The following XRN1 variants were observed in gnomAD, a reference collection of about 807,000 sequenced individuals.
The protein encoded by XRN1 is strand-exchange protein 1 homolog.
A neutral mutation model predicts 222.3 loss-of-function variants in XRN1; 67 were observed. That is an observed-to-expected ratio of 0.30 (90% CI 0.25 to 0.37). XRN1 has a LOEUF of 0.37. Among genes scored for constraint, XRN1 ranks in the 10% least tolerant of loss-of-function variants. XRN1 has a pLI of 1.00. For missense variants in XRN1, 1,707 were observed against 2,000.2 expected (o/e 0.85, Z 2.80); for synonymous variants, 643 against 652.4 (o/e 0.99, Z 0.22).
chr3:142,345,798 T>G (rs979187181), intron 33 of XRN1, among the ~76,000 whole-genome samples: 8 of 152,238 alleles, frequency 5.3e-5, no homozygotes, highest in African/African-American at 1.7e-4. Context: ...TCAACATTAT[T>G]AGTCATTAAT....
At chr3:142,388,546 T>C (rs990612282) in intron 20 of XRN1, among the ~76,000 whole-genome samples, 1 of 152,208 alleles carries the variant, frequency 6.6e-6, no homozygotes, top group Admixed American at 6.5e-5. Context: ...AGTAGGCTAT[T>C]AGTAGTTAAC....
At chr3:142,402,833 T>C (rs1321282531) in intron 18 of XRN1, among the ~76,000 whole-genome samples, 2 of 152,124 alleles carry the variant, frequency 1.3e-5, no homozygotes, top group East Asian at 3.9e-4. Flanking sequence ...GATATCTCAG[T>C]CACATTTACT....
rs140577323 is a variant in XRN1 at position 142,447,272 on chromosome 3, A to G, written c.75+598T>C. ...TACGCCCCACTCCCCAGCTGGCCCA[A>G]GAGTTTTTTGTTTTGGCAACAGGGG... On this transcript the variant is annotated intron_variant, in intron 1 of 40. Transcript: ENST00000392981. This position sits in a 1 kb window ranked among gnomAD's most constrained non-coding sequence, Gnocchi z 4.2. Among the ~76,000 whole-genome samples, 767 of 152,168 alleles carry G rather than the reference A, an allele frequency of 5.0e-3. 6 individuals carry two copies. The highest frequency in any genetic ancestry group is 0.018 in the African/African-American group (733 of 41,492).
chr3:142,323,300 T>G (rs2065414625), intron 37 of XRN1, among the ~76,000 whole-genome samples: 1 of 151,860 alleles, frequency 6.6e-6, no homozygotes, highest in Admixed American at 6.6e-5. Context: ...TTTTGTTTTT[T>G]TTTTTTAAAT....
rs2065827912 is a variant in XRN1 at position 142,335,525 on chromosome 3, CAG to C, written c.3878-18_3878-17del. 6.2e-7 allele frequency: 1 copy of C among 1,606,448 alleles called. No homozygotes were observed. The highest frequency in any genetic ancestry group is 8.5e-7 in the Non-Finnish European group (1 of 1,175,378). On this transcript the variant is annotated splice_polypyrimidine_tract_variant and intron_variant, in intron 33 of 40. Transcript: ENST00000392981. ...TCTTCTTTAACTAGAGACAAGAAAA[CAG>C]AAATTTTCATAAATGGAAGTGTTTA...
chr3:142,400,627 C>CA (rs2068091889), intron 18 of XRN1, 80 bp from the exon 19 acceptor site: 3 of 1,123,404 alleles, frequency 2.7e-6, no homozygotes, highest in African/African-American at 3.2e-5. Context: ...TTCCAATCTC[C>CA]ATTTAAGTTT....
At chr3:142,407,163 T>C (rs1359592142) in intron 15 of XRN1, among the ~76,000 whole-genome samples, 1 of 152,206 alleles carries the variant, frequency 6.6e-6, no homozygotes, top group Admixed American at 6.5e-5. Context: ...GTCAGTGTCT[T>C]TCTGGGGCAA....
rs1559880641 is a variant in XRN1 at position 142,432,198 on chromosome 3, T to TA, written c.308+462_308+463insT. Among the ~76,000 whole-genome samples the TA allele has an allele frequency of 5.1e-3, 543 of 106,782 alleles. 21 individuals carry two copies. The highest frequency in any genetic ancestry group is 0.017 in the African/African-American group (523 of 31,018). 70.1% of individuals were successfully genotyped at this position (106,782 alleles called of 152,430 possible). A position where few individuals can be genotyped will look rare whatever the true frequency, so the allele number is the denominator to read the frequency against. On this transcript the variant is annotated intron_variant, in intron 2 of 40. Transcript: ENST00000392981. ...AAAATGTTTTATATATAAAATTTATTTTATATATAATTAATTATATATATA... is the reference window on the plus strand; with the variant it reads ...AAAATGTTTTATATATAAAATTTATTATTATATATAATTAATTATATATATA...
At position 142,412,573 on chromosome 3, in the gene XRN1, C is replaced by A. The variant is rs779524277; in HGVS notation, c.1684G>T (p.Ala562Ser). The A allele has an allele frequency of 6.2e-7, 1 of 1,607,792 alleles. No homozygotes were observed. The highest frequency in any genetic ancestry group is 1.1e-5 in the South Asian group (1 of 90,246). Residue 562 changes from alanine to serine, a missense_variant, in exon 15 of 41, where the codon GCT (alanine) becomes TCT (serine). This residue lies in a region of XRN1 where 1,234 missense variants were observed against 1,518.2 expected (regional missense o/e 0.81). Transcript: ENST00000392981. ...DLNGKQQEWE[A>S]VVLIPFIDEK... ...TCAATAAAAGGGATTAACACCACAG[C>A]TTCCCATTCCTGTTGTTTCCCATTT...
intron 27 of XRN1, among the ~76,000 whole-genome samples, chr3:142,369,260 GTC>G (rs1459780326): frequency 6.6e-6 from 1 of 152,132 alleles, no homozygotes; most frequent in Non-Finnish European, 1.5e-5. Flanking sequence ...TACTATAAAA[GTC>G]TACTCCTTAA....
At position 142,334,688 on chromosome 3, in the gene XRN1, A is replaced by C. The variant is rs927124835; in HGVS notation, c.3939+760T>G. On this transcript the variant is annotated intron_variant, in intron 34 of 40. Coordinates refer to ENST00000392981, the MANE Select transcript of XRN1 (RefSeq NM_001282857.2). ...ATATATGTCTATGTGTATATATATA[A>C]GACCATATATATATGTCTATGTGTA... is the stretch of plus-strand genomic sequence containing the variant. 1.0e-4 allele frequency among the ~76,000 whole-genome samples: 6 copies of C among 58,514 alleles called. No individual in the cohort carries two copies. In the East Asian group the frequency reaches 2.9e-3, roughly 28 times the overall value. 38.4% of individuals were successfully genotyped at this position (58,514 alleles called of 152,430 possible).
chr3:142,393,543 T>A (rs1032835811), intron 20 of XRN1, among the ~76,000 whole-genome samples: 1 of 151,448 alleles, frequency 6.6e-6, no homozygotes, highest in African/African-American at 2.4e-5. Flanking sequence ...TTTCTACATA[T>A]GGCTAGCCAG....
intron 33 of XRN1, among the ~76,000 whole-genome samples, chr3:142,346,840 C>G (rs376996297): frequency 1.1e-4 from 17 of 152,248 alleles, no homozygotes; most frequent in Middle Eastern, 3.4e-3. Context: ...CCCACAGGTA[C>G]AGAGGGCCGA....
chr3:142,329,699 G>A, intron 36 of XRN1, 84 bp from the exon 37 acceptor site: 5 of 1,341,484 alleles, frequency 3.7e-6, no homozygotes, highest in Non-Finnish European at 4.9e-6. Context: ...TTATAGAAGA[G>A]CAAGCAGGAA....
At position 142,431,935 on chromosome 3, in the gene XRN1, G is replaced by A. The variant is rs1445129612; in HGVS notation, c.308+726C>T. ...ATAAATATATATAATATAATATATT[G>A]TATATATTATATAATATATTATATA... On this transcript the variant is annotated intron_variant, in intron 2 of 40. Coordinates refer to ENST00000392981, the MANE Select transcript of XRN1 (RefSeq NM_001282857.2). 2.8e-3 allele frequency among the ~76,000 whole-genome samples: 183 copies of A among 65,766 alleles called. 3 individuals carry two copies. The highest frequency in any genetic ancestry group is 7.0e-3 in the African/African-American group (116 of 16,686). 43.1% of individuals were successfully genotyped at this position (65,766 alleles called of 152,430 possible). A position where few individuals can be genotyped will look rare whatever the true frequency, so the allele number is the denominator to read the frequency against.
chr3:142,362,515 C>T (rs1048785451), intron 29 of XRN1, among the ~76,000 whole-genome samples: 1 of 152,086 alleles, frequency 6.6e-6, no homozygotes, highest in African/African-American at 2.4e-5. Flanking sequence ...TCAAGTGATC[C>T]ACCCGCCTTG....
chr3:142,323,548 C>G (rs372333246), intron 37 of XRN1, among the ~76,000 whole-genome samples: 3 of 152,122 alleles, frequency 2.0e-5, no homozygotes, highest in Non-Finnish European at 4.4e-5. Context: ...TTAAGATTCT[C>G]TTCATTTTTC....
chr3:142,366,344 T>A (rs891023328), intron 27 of XRN1, among the ~76,000 whole-genome samples: 5 of 152,210 alleles, frequency 3.3e-5, no homozygotes, highest in African/African-American at 1.2e-4. Context: ...ATAGAATCCA[T>A]AAACTATAGG....
intron 23 of XRN1, among the ~76,000 whole-genome samples, chr3:142,378,282 G>A (rs2067200982): frequency 6.6e-6 from 1 of 152,204 alleles, no homozygotes; most frequent in Non-Finnish European, 1.5e-5. Context: ...CTTGAGGGTT[G>A]AGACTGTTCA....
Sources: gnomAD v4.1 joint callset for allele counts (sites outside exome capture counted in the v4.1 genomes callset) on GRCh38, gnomAD v4.1.1 for gene constraint, gnomAD v4.1.1 regional missense constraint, Gnocchi (gnomAD v3.1) non-coding constraint, MANE v1.5 for transcripts, NCBI Gene and HGNC (gene_info 2026-07-23, HGNC 2026-07-21) for gene names.